Variants in SIM1 observed in about 807,000 individuals in gnomAD.
The protein encoded by SIM1 is single-minded homolog 1.
In SIM1, 18 loss-of-function variants were observed where a neutral mutation model predicts 78.2. The ratio of observed to expected loss-of-function variants is 0.23; its 90% CI spans 0.16 to 0.34. The LOEUF is 0.34. Among genes scored for constraint, SIM1 ranks in the 10% least tolerant of loss-of-function variants. The pLI is 1.00. For missense variants in SIM1, 939 were observed against 975.1 expected, an observed-to-expected ratio of 0.96 and a Z score of 0.49; for synonymous variants, 417 against 385.2, an observed-to-expected ratio of 1.08 and a Z score of -0.97.
At chr6:100,461,464 C>A (rs919438723) in intron 2 of SIM1, among the ~76,000 whole-genome samples, 55 of 152,232 alleles carry the variant, frequency 3.6e-4, no homozygotes, top group African/African-American at 1.2e-3. Context: ...TATTCTTCTC[C>A]TCCCGCGATT....
chr6:100,448,634 C>A lies in SIM1; in HGVS notation c.588G>T (p.Leu196=). The change falls in exon 7 of 12, where the codon CTG becomes CTT. Residue 196 remains leucine (L), a synonymous_variant. Coordinates refer to ENST00000369208, the MANE Select transcript of SIM1 (RefSeq NM_005068.3). ...AGCAGCCGTCGAAGGGGGACATGTC[C>A]AGGCTGTACTGGCGGATCTTCAAGT... The part of the protein sequence containing the change: ...SGYLKIRQYS[L]DMSPFDGCYQ... 1 of 1,613,716 alleles carries A rather than the reference C, an allele frequency of 6.2e-7. No individual in the cohort carries two copies. The highest frequency in any genetic ancestry group is 8.5e-7 in the Non-Finnish European group (1 of 1,180,030).
intron 10 of SIM1, 38 bp downstream of exon 10, chr6:100,420,752 C>G: frequency 6.2e-7 from 1 of 1,604,220 alleles, no homozygotes; most frequent in East Asian, 2.2e-5. Flanking sequence ...AACCATGTCG[C>G]CAAAAAAAAG....
At chr6:100,423,214 C>T (rs1158323962) in intron 9 of SIM1, among the ~76,000 whole-genome samples, 2 of 152,210 alleles carry the variant, frequency 1.3e-5, no homozygotes, top group Non-Finnish European at 2.9e-5. Context: ...CAAAATTTCC[C>T]TTCATCTACC....
chr6:100,425,482 A>C (rs960673276), intron 9 of SIM1, among the ~76,000 whole-genome samples: 1 of 152,014 alleles, frequency 6.6e-6, no homozygotes, highest in South Asian at 2.1e-4. Context: ...TCTGTTCAAA[A>C]CTCCAACAGC....
chr6:100,421,047 T>C (rs1771567033), intron 9 of SIM1, 89 bp from the exon 10 acceptor site: 2 of 1,406,920 alleles, frequency 1.4e-6, no homozygotes, highest in South Asian at 2.9e-5. Context: ...TAATCCGAAT[T>C]TGAAAAGAAG....
At chr6:100,454,688 C>T (rs1772601431) in intron 2 of SIM1, among the ~76,000 whole-genome samples, 1 of 152,122 alleles carries the variant, frequency 6.6e-6, no homozygotes, top group African/African-American at 2.4e-5. Context: ...CTTGGTGTTT[C>T]CCCGTTAAGA....
chr6:100,419,554 A>T (rs140046005), intron 10 of SIM1, among the ~76,000 whole-genome samples: 1,524 of 152,356 alleles, frequency 0.01, 19 homozygotes, highest in Middle Eastern at 0.027. Context: ...CTGGATTGTC[A>T]TTTTTACTTA....
chr6:100,418,431 C>G (rs893833155), intron 10 of SIM1, among the ~76,000 whole-genome samples: 1 of 151,804 alleles, frequency 6.6e-6, no homozygotes, highest in African/African-American at 2.4e-5. Context: ...TTCTACTCAT[C>G]TGTGTTCCTT....
In SIM1 at chr6:100,389,904, G is replaced by T. The variant is rs1770593525; in HGVS notation, c.*457C>A. ...AATGGAAATTTCGTTAAGAAGTTTA[G>T]TGTGACAGAGTCAAAGAAAATTACC... On this transcript the variant is annotated 3_prime_UTR_variant, in exon 12 of 12. Coordinates refer to ENST00000369208, the MANE Select transcript of SIM1 (RefSeq NM_005068.3). 2.5e-6 allele frequency: 1 copy of T among 396,566 alleles called. No individual in the cohort carries two copies. Among genetic ancestry groups the T allele is most frequent in the Non-Finnish European group, 4.4e-6 (1 of 225,380 alleles). The allele number at this position is 396,566 out of a possible 1,614,324, so 24.6% of individuals were successfully genotyped here.
rs1411765509 is a variant in SIM1 at position 100,391,227 on chromosome 6, T to G, written c.1571-136A>C. 3.2e-6 allele frequency: 3 copies of G among 928,808 alleles called. No individual in the cohort carries two copies. The Admixed American group carries it at 9.4e-5, about 29-fold the overall frequency. 57.5% of individuals were successfully genotyped at this position (928,808 alleles called of 1,614,324 possible). A position where few individuals can be genotyped will look rare whatever the true frequency, so the allele number is the denominator to read the frequency against. On this transcript the variant is annotated intron_variant, in intron 11 of 11. Transcript: ENST00000369208. ...CACCAATATTTGAAACAGGCTCACATGATGTGAGCACATGAGTGACACATG... is the reference window on the plus strand; with the variant it reads ...CACCAATATTTGAAACAGGCTCACAGGATGTGAGCACATGAGTGACACATG...
At chr6:100,411,976 G>A (rs1168087526) in intron 10 of SIM1, among the ~76,000 whole-genome samples, 1 of 152,150 alleles carries the variant, frequency 6.6e-6, no homozygotes. Flanking sequence ...CAAAGTTCAG[G>A]TAGGGGACCA....
chr6:100,448,765 T>C, intron 6 of SIM1, 87 bp from the exon 7 acceptor site: 1 of 1,249,972 alleles, frequency 8.0e-7, no homozygotes, highest in South Asian at 1.4e-5. Context: ...ATGTTGAAAC[T>C]CTGCTTAGCC....
chr6:100,417,117 A>G (rs189493842), intron 10 of SIM1, among the ~76,000 whole-genome samples: 216 of 152,188 alleles, frequency 1.4e-3, no homozygotes, highest in African/African-American at 4.5e-3. Context: ...ACCCAATCAC[A>G]TTAACAATTT....
intron 2 of SIM1, among the ~76,000 whole-genome samples, chr6:100,454,739 A>C (rs1356062438): frequency 7.9e-5 from 12 of 152,296 alleles, no homozygotes; most frequent in South Asian, 2.1e-4. Context: ...GGTGATGCCC[A>C]AAAAAATAAA....
chr6:100,397,740 G>T (rs527850088), intron 10 of SIM1, among the ~76,000 whole-genome samples: 1 of 152,078 alleles, frequency 6.6e-6, no homozygotes, highest in South Asian at 2.1e-4. Context: ...GAAAAGACAA[G>T]CTACAGGAAG....
chr6:100,444,035 T>A (rs1403073077), intron 9 of SIM1, among the ~76,000 whole-genome samples: 1 of 152,116 alleles, frequency 6.6e-6, no homozygotes, highest in African/African-American at 2.4e-5. Flanking sequence ...AAAATACATG[T>A]AGTCTGAAAA....
intron 10 of SIM1, among the ~76,000 whole-genome samples, chr6:100,403,821 C>T (rs1770987707): frequency 6.6e-6 from 1 of 152,138 alleles, no homozygotes; most frequent in Non-Finnish European, 1.5e-5. Context: ...TCCGTACACA[C>T]TGTTTTATTA....
intron 2 of SIM1, among the ~76,000 whole-genome samples, chr6:100,458,670 G>A (rs1772753019): frequency 6.6e-6 from 1 of 152,172 alleles, no homozygotes; most frequent in Admixed American, 6.5e-5. Context: ...GGGACACACC[G>A]CGCAGACCTG....
At chr6:100,452,301 C>A (rs1013497665) in intron 3 of SIM1, among the ~76,000 whole-genome samples, 2 of 152,216 alleles carry the variant, frequency 1.3e-5, no homozygotes, top group African/African-American at 4.8e-5. Context: ...GGCACCTATA[C>A]CACCTGGTAA....
Sources: gnomAD v4.1 joint callset for allele counts (sites outside exome capture counted in the v4.1 genomes callset) on GRCh38, gnomAD v4.1.1 for gene constraint, MANE v1.5 for transcripts, NCBI Gene and HGNC (gene_info 2026-07-23, HGNC 2026-07-21) for gene names.